The following APBA2 variants were observed in gnomAD, a reference collection of about 807,000 sequenced individuals.
APBA2 encodes amyloid beta precursor protein binding family A member 2.
Under a neutral mutation model 75.0 loss-of-function variants are expected in APBA2, and 30 were observed. The ratio of observed to expected loss-of-function variants is 0.40; its 90% CI spans 0.30 to 0.54. The LOEUF (loss-of-function observed/expected upper bound fraction) is 0.54, where lower values mean the gene tolerates loss of function less well. APBA2 is among the 20% of genes least tolerant of loss of function. APBA2 has a pLI of 0.49. For missense variants in APBA2, 801 were observed against 1,016.1 expected, an observed-to-expected ratio of 0.79 and a Z score of 2.88; for synonymous variants, 444 against 409.6, an observed-to-expected ratio of 1.08 and a Z score of -1.01.
intron 2 of APBA2, 122 bp from the exon 3 acceptor site, chr15:28,995,631 A>C (rs896795830): frequency 6.6e-6 from 1 of 152,130 alleles, no homozygotes; most frequent in Non-Finnish European, 1.5e-5. Context: ...TAATCTGTCC[A>C]CTTTTACAGG....
At position 28,976,676 on chromosome 15, in the gene APBA2, A is replaced by G. The variant is rs191905374; in HGVS notation, c.-94-19077A>G. On this transcript the variant is annotated intron_variant, in intron 2 of 14. Coordinates refer to ENST00000683413, the MANE Select transcript of APBA2 (RefSeq NM_001353788.2). ...GTTGACATGCCTGGGATAAACCTGT[A>G]TTTCATCATGATATGTCTCTTAAAA... is the stretch of plus-strand genomic sequence containing the variant. Among the ~76,000 whole-genome samples the G allele has an allele frequency of 2.2e-3, 342 of 152,328 alleles. 2 individuals are homozygous for G. The highest frequency in any genetic ancestry group is 8.1e-3 in the African/African-American group (338 of 41,574).
intron 3 of APBA2, among the ~76,000 whole-genome samples, chr15:29,011,064 G>C (rs1225128224): frequency 6.6e-6 from 1 of 152,118 alleles, no homozygotes; most frequent in Non-Finnish European, 1.5e-5. Context: ...GACTACTCTA[G>C]GTACCTCAAG....
chr15:29,027,945 T>C (rs1434176895), intron 3 of APBA2, among the ~76,000 whole-genome samples: 1 of 152,098 alleles, frequency 6.6e-6, no homozygotes, highest in East Asian at 1.9e-4. Context: ...ATTTTCACTT[T>C]TATTTCTTAG....
Position 29,045,641 on chromosome 15 carries a change from A to G in APBA2, c.-40-8204A>G, listed in dbSNP as rs556024775. Among the ~76,000 whole-genome samples the G allele has an allele frequency of 1.5e-4, 23 of 152,306 alleles. No individual in the cohort carries two copies. In the East Asian group the frequency reaches 4.1e-3, roughly 27 times the overall value. ...GCTTACCGCATGTTAAAAGAGAACAACATGGATTTGTGTTTACAGTAAGGT... is the reference window on the plus strand; with the variant it reads ...GCTTACCGCATGTTAAAAGAGAACAGCATGGATTTGTGTTTACAGTAAGGT... On this transcript the variant is annotated intron_variant, in intron 3 of 14. Coordinates refer to ENST00000683413, the MANE Select transcript of APBA2 (RefSeq NM_001353788.2).
chr15:29,068,902 G>A (rs759261201), intron 4 of APBA2, among the ~76,000 whole-genome samples: 18 of 152,164 alleles, frequency 1.2e-4, no homozygotes, highest in Non-Finnish European at 7.3e-5. Flanking sequence ...ATTTTAAAGT[G>A]TACAATTCAG....
At chr15:29,107,280 G>C (rs950661569) in intron 12 of APBA2, among the ~76,000 whole-genome samples, 1 of 152,188 alleles carries the variant, frequency 6.6e-6, no homozygotes, top group African/African-American at 2.4e-5. Flanking sequence ...CACCCTGACC[G>C]TCAGACTCGT....
chr15:29,033,027 G>A lies in APBA2; in HGVS notation c.-40-20818G>A, dbSNP rs76853334. On this transcript the variant is annotated intron_variant, in intron 3 of 14. Transcript: ENST00000683413. ...TTCTTGTGTGCTGAGGAATGGGAGC[G>A]TTTGCCATCCTTATCCAAGCTGCAT... 1.4e-3 allele frequency among the ~76,000 whole-genome samples: 216 copies of A among 152,280 alleles called. 2 individuals are homozygous for A. The South Asian group carries it at 0.035, about 25-fold the overall frequency.
intron 1 of APBA2, among the ~76,000 whole-genome samples, chr15:28,913,797 T>C (rs2033544091): frequency 6.6e-6 from 1 of 152,226 alleles, no homozygotes; most frequent in African/African-American, 2.4e-5. Context: ...GTTTCTTTCA[T>C]TGTATTCGGT....
At chr15:28,889,427 G>A (rs1397852155) in intron 1 of APBA2, among the ~76,000 whole-genome samples, 2 of 152,220 alleles carry the variant, frequency 1.3e-5, no homozygotes, top group African/African-American at 4.8e-5. Context: ...GTTGGCCCAG[G>A]CCAGGTGTGT....
intron 3 of APBA2, among the ~76,000 whole-genome samples, chr15:29,035,533 C>T (rs189566197): frequency 5.9e-5 from 9 of 152,106 alleles, no homozygotes; most frequent in African/African-American, 7.2e-5. Flanking sequence ...ACCTTGGGGG[C>T]GCCATGTGAT....
chr15:29,063,875 C>T (rs1170514197), intron 4 of APBA2, among the ~76,000 whole-genome samples: 1 of 151,898 alleles, frequency 6.6e-6, no homozygotes, highest in Admixed American at 6.6e-5. Flanking sequence ...GGTGGTGAGC[C>T]CTGCTTGTGA....
At chr15:28,979,834 T>A (rs2037531592) in intron 2 of APBA2, among the ~76,000 whole-genome samples, 1 of 152,044 alleles carries the variant, frequency 6.6e-6, no homozygotes, top group Non-Finnish European at 1.5e-5. Flanking sequence ...AGACAGACAG[T>A]GGAGTTAAGA....
chr15:29,108,979 C>T (rs190078403), intron 13 of APBA2, among the ~76,000 whole-genome samples: 1 of 152,352 alleles, frequency 6.6e-6, no homozygotes, highest in East Asian at 1.9e-4. Flanking sequence ...TCTCACTGAC[C>T]TGCATTTGAC....
chr15:29,096,927 T>C (rs1247021184), intron 8 of APBA2, among the ~76,000 whole-genome samples: 2 of 152,188 alleles, frequency 1.3e-5, no homozygotes, highest in Non-Finnish European at 2.9e-5. Context: ...TTAAAGGCTA[T>C]CCTAGTTTGG....
chr15:29,032,117 C>T (rs983628651), intron 3 of APBA2, among the ~76,000 whole-genome samples: 4 of 152,182 alleles, frequency 2.6e-5, no homozygotes, highest in Non-Finnish European at 5.9e-5. Context: ...TCTTTTTTGC[C>T]CCTGTCTCCC....
intron 6 of APBA2, among the ~76,000 whole-genome samples, chr15:29,084,716 C>A (rs916760961): frequency 6.6e-5 from 10 of 152,198 alleles, no homozygotes; most frequent in African/African-American, 2.2e-4. Flanking sequence ...TTTCATAATT[C>A]TTTTATGTCT....
At chr15:28,900,899 T>C (rs1361313888) in intron 1 of APBA2, among the ~76,000 whole-genome samples, 5 of 152,216 alleles carry the variant, frequency 3.3e-5, no homozygotes, top group Admixed American at 2.0e-4. Context: ...AACTTACCCT[T>C]GTCCACATGC....
chr15:29,020,745 G>C (rs2039912238), intron 3 of APBA2, among the ~76,000 whole-genome samples: 1 of 152,126 alleles, frequency 6.6e-6, no homozygotes, highest in South Asian at 2.1e-4. Context: ...GGGAGGCAGA[G>C]GTTGCAATGA....
At chr15:28,961,925 T>C (rs2152739311) in intron 2 of APBA2, among the ~76,000 whole-genome samples, 1 of 152,312 alleles carries the variant, frequency 6.6e-6, no homozygotes, top group Middle Eastern at 3.4e-3. Flanking sequence ...TCTAAAGAGA[T>C]ACCTCCCTTT....
Sources: gnomAD v4.1 joint callset for allele counts (sites outside exome capture counted in the v4.1 genomes callset) on GRCh38, gnomAD v4.1.1 for gene constraint, MANE v1.5 for transcripts, NCBI Gene and HGNC (gene_info 2026-07-23, HGNC 2026-07-21) for gene names.